CLYBL: variants seen among roughly 807,000 people sequenced by gnomAD.
CLYBL encodes citramalyl-CoA lyase, mitochondrial.
CLYBL carries 31 observed loss-of-function variants against 38.9 expected under a neutral mutation model. The ratio of observed to expected loss-of-function variants is 0.80; its 90% confidence interval spans 0.60 to 1.08. The LOEUF (loss-of-function observed/expected upper bound fraction) is 1.08, where lower values mean the gene tolerates loss of function less well. CLYBL is among the 50% of genes least tolerant of loss of function. CLYBL has a pLI of 0.00. For missense variants in CLYBL, 434 were observed against 411.6 expected (o/e 1.05, Z -0.47); for synonymous variants, 171 against 158.6 (o/e 1.08, Z -0.59).
chr13:99,671,950 G>A (rs1201322698), intron 1 of CLYBL, among the ~76,000 whole-genome samples: 9 of 152,130 alleles, frequency 5.9e-5, no homozygotes, highest in South Asian at 4.2e-4. Context: ...TCACATCCTC[G>A]CCCTCACTCC....
At chr13:99,709,925 T>TTC (rs1440710569) in intron 1 of CLYBL, among the ~76,000 whole-genome samples, 1 of 84,868 alleles carries the variant, frequency 1.2e-5, no homozygotes, top group Non-Finnish European at 2.1e-5. Flanking sequence ...CTTTCTTTCT[T>TTC]TTTTTTTTTT....
At chr13:99,638,091 G>A (rs774904216) in intron 1 of CLYBL, among the ~76,000 whole-genome samples, 1 of 148,172 alleles carries the variant, frequency 6.7e-6, no homozygotes, top group Admixed American at 6.9e-5. Flanking sequence ...AGCCTCCTGA[G>A]TAGCTAAGAC....
At chr13:99,607,856 G>T (rs951238988) in intron 1 of CLYBL, among the ~76,000 whole-genome samples, 1 of 152,098 alleles carries the variant, frequency 6.6e-6, no homozygotes, top group Non-Finnish European at 1.5e-5. Context: ...CGATTCTCAT[G>T]CCTCAGCCTC....
chr13:99,661,245 A>G (rs2047404334), intron 1 of CLYBL, among the ~76,000 whole-genome samples: 1 of 151,754 alleles, frequency 6.6e-6, no homozygotes, highest in Admixed American at 6.5e-5. Flanking sequence ...AAAGTAAAAG[A>G]GAAAAAAAAG....
chr13:99,714,802 A>G (rs1354688309), intron 1 of CLYBL, among the ~76,000 whole-genome samples: 1 of 151,942 alleles, frequency 6.6e-6, no homozygotes, highest in Admixed American at 6.6e-5. Flanking sequence ...ACAAAAAATT[A>G]GCCAGGCATG....
intron 2 of CLYBL, among the ~76,000 whole-genome samples, chr13:99,817,200 T>C (rs375292961): frequency 1.3e-5 from 2 of 152,210 alleles, no homozygotes; most frequent in South Asian, 4.1e-4. Context: ...TGTCCTTAGA[T>C]GTAGAACAAC....
chr13:99,850,430 G>A (rs117399230), intron 2 of CLYBL, among the ~76,000 whole-genome samples: 2 of 152,270 alleles, frequency 1.3e-5, no homozygotes, highest in East Asian at 3.9e-4. Flanking sequence ...TTAGCCATTG[G>A]AGAAATGCAA....
At chr13:99,778,974 A>C (rs1435530221) in intron 2 of CLYBL, among the ~76,000 whole-genome samples, 1 of 152,224 alleles carries the variant, frequency 6.6e-6, no homozygotes, top group Non-Finnish European at 1.5e-5. Context: ...GTACCTACTC[A>C]ACTAGTTGCC....
chr13:99,673,121 G>A (rs2047591878), intron 1 of CLYBL, among the ~76,000 whole-genome samples: 1 of 152,088 alleles, frequency 6.6e-6, no homozygotes, highest in Non-Finnish European at 1.5e-5. Context: ...CAACAGAAAA[G>A]GTGCAACAGG....
chr13:99,666,096 C>T (rs1292844950), intron 1 of CLYBL, among the ~76,000 whole-genome samples: 1 of 151,986 alleles, frequency 6.6e-6, no homozygotes, highest in East Asian at 1.9e-4. Flanking sequence ...GGACTACTTG[C>T]TAGAAGGAAC....
At chr13:99,720,051 G>A (rs2048372192) in intron 1 of CLYBL, among the ~76,000 whole-genome samples, 1 of 151,478 alleles carries the variant, frequency 6.6e-6, no homozygotes. Flanking sequence ...TTTACTTACT[G>A]TATTTCCCCT....
intron 1 of CLYBL, among the ~76,000 whole-genome samples, chr13:99,641,314 T>G (rs191776815): frequency 6.6e-6 from 1 of 152,198 alleles, no homozygotes; most frequent in East Asian, 1.9e-4. Flanking sequence ...TTAAGTTTGG[T>G]ATTGACATTG....
chr13:99,850,702 G>C (rs2051310471), intron 2 of CLYBL, among the ~76,000 whole-genome samples: 2 of 151,994 alleles, frequency 1.3e-5, no homozygotes, highest in Admixed American at 1.3e-4. Flanking sequence ...TGAAAAGAGG[G>C]ACTCAAAGAG....
At chr13:99,840,980 A>G (rs1039552509) in intron 2 of CLYBL, among the ~76,000 whole-genome samples, 1 of 152,108 alleles carries the variant, frequency 6.6e-6, no homozygotes, top group Non-Finnish European at 1.5e-5. Flanking sequence ...ACAGAGGAAG[A>G]AATGGAATGT....
intron 2 of CLYBL, among the ~76,000 whole-genome samples, chr13:99,802,456 G>A (rs1221572348): frequency 1.3e-5 from 2 of 151,908 alleles, no homozygotes; most frequent in Admixed American, 6.6e-5. Flanking sequence ...ACTTATTTTG[G>A]GGGGGTCCAG....
At chr13:99,710,598 C>T (rs1180389556) in intron 1 of CLYBL, among the ~76,000 whole-genome samples, 1 of 152,174 alleles carries the variant, frequency 6.6e-6, no homozygotes, top group Non-Finnish European at 1.5e-5. Flanking sequence ...AACCCCTGCA[C>T]TTCCCCAGTC....
At chr13:99,880,068 A>ATTT (rs1555324345) in intron 7 of CLYBL, among the ~76,000 whole-genome samples, 5,465 of 101,190 alleles carry the variant, frequency 0.054, 225 homozygotes, top group Admixed American at 0.077. Flanking sequence ...ATATATATAT[A>ATTT]TTTTTTTTTT....
chr13:99,716,353 T>C (rs1229674136), intron 1 of CLYBL, among the ~76,000 whole-genome samples: 2 of 149,872 alleles, frequency 1.3e-5, no homozygotes, highest in East Asian at 2.0e-4. Flanking sequence ...TTTATAGAAA[T>C]GTAAAATTGA....
rs569139326 is a variant in CLYBL at position 99,854,714 on chromosome 13, C to T, written c.250-4147C>T. ...ATGGGTGCCAATTGAACCAACTGCA[C>T]GCATATTTTCTCCTTTAATTTCAGA... On this transcript the variant is annotated intron_variant, in intron 2 of 8. Coordinates refer to ENST00000339105, the MANE Select transcript of CLYBL (RefSeq NM_206808.5). Among the ~76,000 whole-genome samples, 22 of 152,168 alleles carry T rather than the reference C, an allele frequency of 1.4e-4. No individual in the cohort carries two copies. In the South Asian group the frequency reaches 3.1e-3, roughly 22 times the overall value.
Sources: gnomAD v4.1 joint callset for allele counts (sites outside exome capture counted in the v4.1 genomes callset) on GRCh38, gnomAD v4.1.1 for gene constraint, MANE v1.5 for transcripts, NCBI Gene and HGNC (gene_info 2026-07-23, HGNC 2026-07-21) for gene names.